The following WDR27 variants were observed in gnomAD, a reference collection of about 807,000 sequenced individuals.
WDR27 encodes the protein WD repeat domain 27, also known as WD repeat-containing protein 27.
Under a neutral mutation model 114.4 loss-of-function variants are expected in WDR27, and 100 were observed. The ratio of observed to expected loss-of-function variants is 0.87; its 90% confidence interval spans 0.74 to 1.03. The LOEUF is 1.03. Among genes scored for constraint, WDR27 ranks in the 50% least tolerant of loss-of-function variants. The pLI is 0.00. For missense variants in WDR27, 1,129 were observed against 1,092.9 expected (o/e 1.03, Z -0.47); for synonymous variants, 449 against 423.1 (o/e 1.06, Z -0.75).
At chr6:169,530,084 G>A (rs762586574) in intron 25 of WDR27, among the ~76,000 whole-genome samples, 8 of 152,162 alleles carry the variant, frequency 5.3e-5, no homozygotes, top group Non-Finnish European at 8.8e-5. Context: ...CAGTGTGCTC[G>A]GGCTGGAAGC....
At chr6:169,535,876 A>T (rs17641118) in intron 25 of WDR27, among the ~76,000 whole-genome samples, 5,876 of 152,296 alleles carry the variant, frequency 0.039, 145 homozygotes, top group Non-Finnish European at 0.06. Flanking sequence ...CAGTGTATTC[A>T]CTTCAGAGTA....
At chr6:169,553,058 CTGTGTG>C (rs3033612) in intron 25 of WDR27, among the ~76,000 whole-genome samples, 10 of 30,164 alleles carry the variant, frequency 3.3e-4, no homozygotes, top group South Asian at 1.5e-3. Flanking sequence ...CCTGGAGGGC[CTGTGTG>C]TGTGTGTGTG....
Position 169,701,884 on chromosome 6 carries a change from C to T in WDR27, c.-341G>A. The T allele has an allele frequency of 8.8e-6, 3 of 340,390 alleles. No individual in the cohort carries two copies. Among genetic ancestry groups the T allele is most frequent in the South Asian group, 6.4e-5 (3 of 46,922 alleles). The allele number at this position is 340,390 out of a possible 1,614,324, so 21.1% of individuals were successfully genotyped here. A position where few individuals can be genotyped will look rare whatever the true frequency, so the allele number is the denominator to read the frequency against. ...CAGAGCAGCAGCTCGGGTTCGGCGCCGACTCCGCGCCGAGACCAGCCCGCT... is the reference window on the plus strand; with the variant it reads ...CAGAGCAGCAGCTCGGGTTCGGCGCTGACTCCGCGCCGAGACCAGCCCGCT... On this transcript the variant is annotated 5_prime_UTR_variant, in exon 1 of 26. Coordinates refer to ENST00000448612, the MANE Select transcript of WDR27 (RefSeq NM_182552.5).
intron 22 of WDR27, among the ~76,000 whole-genome samples, chr6:169,612,345 A>G (rs1248082148): frequency 6.6e-6 from 1 of 152,146 alleles, no homozygotes; most frequent in Non-Finnish European, 1.5e-5. Flanking sequence ...GCGTGAAGCC[A>G]GGAGGCGGAG....
intron 25 of WDR27, among the ~76,000 whole-genome samples, chr6:169,571,909 C>T (rs999541266): frequency 4.6e-5 from 7 of 152,088 alleles, no homozygotes; most frequent in Non-Finnish European, 5.9e-5. Context: ...AACTGTCTCT[C>T]GACAGAGCAA....
intron 24 of WDR27, among the ~76,000 whole-genome samples, chr6:169,574,133 C>A (rs1270622137): frequency 3.9e-5 from 6 of 152,276 alleles, no homozygotes; most frequent in African/African-American, 1.4e-4. Flanking sequence ...CCTGGCAGGA[C>A]ACCCAGGTGT....
At chr6:169,654,783 G>A (rs997209733) in intron 13 of WDR27, among the ~76,000 whole-genome samples, 4 of 151,530 alleles carry the variant, frequency 2.6e-5, no homozygotes, top group Non-Finnish European at 4.4e-5. Flanking sequence ...AAGGAGGCGC[G>A]TTCAGGAGAC....
chr6:169,596,794 T>A (rs1336033012), intron 23 of WDR27, among the ~76,000 whole-genome samples: 3 of 152,146 alleles, frequency 2.0e-5, no homozygotes, highest in Admixed American at 6.5e-5. Flanking sequence ...AAACACATAG[T>A]ATTTACAAAG....
intron 24 of WDR27, among the ~76,000 whole-genome samples, chr6:169,579,889 C>T (rs1803090895): frequency 6.6e-6 from 1 of 152,226 alleles, no homozygotes; most frequent in African/African-American, 2.4e-5. Flanking sequence ...AAGCCAAGAA[C>T]CCTGCTGGGC....
At chr6:169,674,238 G>A (rs1021032334) in intron 2 of WDR27, among the ~76,000 whole-genome samples, 1 of 152,132 alleles carries the variant, frequency 6.6e-6, no homozygotes, top group African/African-American at 2.4e-5. Context: ...AAAGAATAGA[G>A]AAATGCGATG....
rs751176269 is a variant in WDR27 at position 169,659,418 on chromosome 6, C to A, written c.1197+33G>T. 1.1e-5 allele frequency: 18 copies of A among 1,600,916 alleles called. No homozygotes were observed. The East Asian group carries it at 3.6e-4, about 32-fold the overall frequency. On this transcript the variant is annotated intron_variant, in intron 11 of 25. Transcript: ENST00000448612. This position sits in a 1 kb window ranked among gnomAD's most constrained non-coding sequence, Gnocchi z 4.3. ...GAAAGAAGAAATCAGAGGCACGTCT[C>A]ATAGACAGGGAGGGCCGCGTCTCAG...
intron 2 of WDR27, among the ~76,000 whole-genome samples, chr6:169,674,625 A>G (rs1012695256): frequency 2.6e-5 from 4 of 152,238 alleles, no homozygotes; most frequent in Non-Finnish European, 4.4e-5. Flanking sequence ...AGCAGGGTCC[A>G]CAACGTTTGG....
At chr6:169,638,873 T>C (rs112052268) in intron 17 of WDR27, among the ~76,000 whole-genome samples, 4,386 of 152,354 alleles carry the variant, frequency 0.029, 152 homozygotes, top group African/African-American at 0.085. Flanking sequence ...GTGTGGCTTC[T>C]GAAGGCAGTT....
rs537851437 is a variant in WDR27 at position 169,630,658 on chromosome 6, G to A, written c.2223+2289C>T. Among the ~76,000 whole-genome samples the A allele has an allele frequency of 2.0e-5, 3 of 152,344 alleles. No individual in the cohort carries two copies. The South Asian group carries it at 6.2e-4, about 32-fold the overall frequency. ...CGCCTGTAATCCCAGCACTTTGGGA[G>A]GCCGAGGCGGGCGGATCACAAGGTC... On this transcript the variant is annotated intron_variant, in intron 21 of 25. Coordinates refer to ENST00000448612, the MANE Select transcript of WDR27 (RefSeq NM_182552.5).
At chr6:169,630,588 A>G (rs1432366837) in intron 21 of WDR27, among the ~76,000 whole-genome samples, 1 of 152,252 alleles carries the variant, frequency 6.6e-6, no homozygotes, top group Non-Finnish European at 1.5e-5. Flanking sequence ...AAAAGGAATC[A>G]TAACACCTAA....
At chr6:169,428,114 G>A in the WDR27 span, among the ~76,000 whole-genome samples, 1 of 152,186 alleles carries the variant, frequency 6.6e-6, no homozygotes, top group Non-Finnish European at 1.5e-5. Flanking sequence ...GTCAGGGGAG[G>A]GGAGCCATTC....
intron 23 of WDR27, among the ~76,000 whole-genome samples, chr6:169,585,569 C>A (rs1009949720): frequency 8.0e-5 from 12 of 150,574 alleles, no homozygotes; most frequent in African/African-American, 2.7e-4. Flanking sequence ...TGACCAGAAT[C>A]CTTACCAATA....
At chr6:169,618,907 C>G (rs1381565639) in intron 21 of WDR27, among the ~76,000 whole-genome samples, 1 of 151,292 alleles carries the variant, frequency 6.6e-6, no homozygotes, top group Non-Finnish European at 1.5e-5. Context: ...ATAGTGTAAA[C>G]CTCTGTAACC....
chr6:169,667,792 A>G (rs1261463019), intron 5 of WDR27, among the ~76,000 whole-genome samples, 190 bp downstream of exon 5: 2 of 152,236 alleles, frequency 1.3e-5, no homozygotes, highest in African/African-American at 4.8e-5. Context: ...AAGCCCAGCC[A>G]GCGGCCCCGG....
Sources: gnomAD v4.1 joint callset for allele counts (sites outside exome capture counted in the v4.1 genomes callset) on GRCh38, gnomAD v4.1.1 for gene constraint, Gnocchi (gnomAD v3.1) non-coding constraint, MANE v1.5 for transcripts, NCBI Gene and HGNC (gene_info 2026-07-23, HGNC 2026-07-21) for gene names.